The following KCND2 variants were observed in gnomAD, a reference collection of about 807,000 sequenced individuals.
The protein encoded by KCND2 is potassium voltage-gated channel subfamily D member 2, also known as A-type voltage-gated potassium channel KCND2.
Under a neutral mutation model 54.4 loss-of-function variants are expected in KCND2, and 16 were observed. The ratio of observed to expected loss-of-function variants is 0.29; its 90% confidence interval spans 0.20 to 0.45. The LOEUF is 0.45. Ranked by LOEUF, KCND2 falls within the 20% of genes least tolerant of loss-of-function variation. The pLI is 1.00. For missense variants in KCND2, 486 were observed against 824.2 expected (o/e 0.59, Z 5.02); for synonymous variants, 317 against 310.7 (o/e 1.02, Z -0.21).
At chr7:120,383,184 A>G (rs1412115192) in intron 1 of KCND2, among the ~76,000 whole-genome samples, 1 of 152,010 alleles carries the variant, frequency 6.6e-6, no homozygotes. Context: ...CTTTGGATGC[A>G]GAATGCATTA....
At chr7:120,599,085 A>G (rs764579298) in intron 1 of KCND2, among the ~76,000 whole-genome samples, 1 of 152,146 alleles carries the variant, frequency 6.6e-6, no homozygotes, top group Non-Finnish European at 1.5e-5. Flanking sequence ...AAAGATTATC[A>G]TTTTTTATTA....
intron 1 of KCND2, among the ~76,000 whole-genome samples, chr7:120,331,259 C>A (rs978625223): frequency 6.6e-6 from 1 of 151,956 alleles, no homozygotes; most frequent in Non-Finnish European, 1.5e-5. Context: ...AAAAGAAAAT[C>A]ATTTTGAAGC....
At chr7:120,591,637 A>G (rs1346576055) in intron 1 of KCND2, among the ~76,000 whole-genome samples, 2 of 152,204 alleles carry the variant, frequency 1.3e-5, no homozygotes, top group Admixed American at 1.3e-4. Flanking sequence ...CTTTTAACCT[A>G]TGGTTAAAGA....
At chr7:120,464,136 T>G (rs1229531448) in intron 1 of KCND2, 1 of 905,376 alleles carries the variant, frequency 1.1e-6, no homozygotes, top group Non-Finnish European at 1.3e-6. Context: ...TAGACTATAC[T>G]GCTATATCAA....
chr7:120,530,514 A>G (rs141385529), intron 1 of KCND2, among the ~76,000 whole-genome samples: 1 of 152,198 alleles, frequency 6.6e-6, no homozygotes, highest in East Asian at 1.9e-4. Context: ...CATCTATTAA[A>G]AACTTAACCA....
intron 1 of KCND2, among the ~76,000 whole-genome samples, chr7:120,395,758 A>G (rs1801145772): frequency 6.6e-6 from 1 of 152,052 alleles, no homozygotes; most frequent in African/African-American, 2.4e-5. Context: ...TGGCATTAGT[A>G]AACTGTCATG....
At chr7:120,432,603 CTG>C (rs1584776665) in intron 1 of KCND2, among the ~76,000 whole-genome samples, 1 of 152,270 alleles carries the variant, frequency 6.6e-6, no homozygotes, top group Admixed American at 6.5e-5. Context: ...GGCACTACTG[CTG>C]ATAATTATGG....
chr7:120,464,450 G>A (rs905758402), intron 1 of KCND2, among the ~76,000 whole-genome samples: 3 of 152,120 alleles, frequency 2.0e-5, no homozygotes, highest in Non-Finnish European at 4.4e-5. Context: ...ATTTGCTGAG[G>A]TGAAGGAGAT....
chr7:120,568,604 G>T (rs916794868), intron 1 of KCND2, among the ~76,000 whole-genome samples: 4 of 152,072 alleles, frequency 2.6e-5, no homozygotes, highest in Non-Finnish European at 5.9e-5. Context: ...TAATAATCAG[G>T]ATTAGAACAC....
intron 1 of KCND2, among the ~76,000 whole-genome samples, chr7:120,470,457 T>C (rs1802437799): frequency 6.6e-6 from 1 of 152,258 alleles, no homozygotes. Context: ...GTCTTCTTTA[T>C]GCAGATTAAT....
chr7:120,428,966 T>C (rs1009617019), intron 1 of KCND2, among the ~76,000 whole-genome samples: 1 of 152,158 alleles, frequency 6.6e-6, no homozygotes, highest in African/African-American at 2.4e-5. Flanking sequence ...AAATAAGGAA[T>C]TGAGATGTTG....
chr7:120,660,495 C>T (rs904335570), intron 1 of KCND2, among the ~76,000 whole-genome samples: 1 of 152,124 alleles, frequency 6.6e-6, no homozygotes, highest in South Asian at 2.1e-4. Context: ...ATAGAAATAA[C>T]TTTTATGTTA....
intron 1 of KCND2, among the ~76,000 whole-genome samples, chr7:120,704,379 A>T (rs1792440096): frequency 6.6e-6 from 1 of 152,094 alleles, no homozygotes; most frequent in Non-Finnish European, 1.5e-5. Flanking sequence ...AATCTTCTAC[A>T]TCCCTGGACT....
At chr7:120,642,173 A>C (rs1793384428) in intron 1 of KCND2, among the ~76,000 whole-genome samples, 1 of 152,140 alleles carries the variant, frequency 6.6e-6, no homozygotes, top group Admixed American at 6.5e-5. Context: ...TCCCAGAATC[A>C]AATATATTGA....
chr7:120,725,381 T>C (rs1792720760), intron 1 of KCND2, among the ~76,000 whole-genome samples: 1 of 152,224 alleles, frequency 6.6e-6, no homozygotes, highest in Non-Finnish European at 1.5e-5. Context: ...CACAAAATGC[T>C]GTCGGAATTA....
Position 120,741,535 on chromosome 7 carries a change from A to C in KCND2, c.1280A>C (p.Lys427Thr). The change falls in exon 3 of 6, where the codon AAA becomes ACA. Residue 427 changes from lysine to threonine, a missense_variant and splice_region_variant. By Grantham distance (78) the Lys-to-Thr change is moderately conservative. Around this residue, in one of 7 missense-constraint regions of KCND2, gnomAD observed 202 missense variants for 252.7 expected, o/e 0.80. Transcript: ENST00000331113. ...GGATGTTTATTTTTTCTCCTATAGA[A>C]AGCTAGACTGGCCAGGATCCGGGCA... ...QRADKRRAQK[K>T]ARLARIRAAK... 6.2e-7 allele frequency: 1 copy of C among 1,609,642 alleles called. No homozygotes were observed. Among genetic ancestry groups the C allele is most frequent in the East Asian group, 2.2e-5 (1 of 44,794 alleles).
chr7:120,278,313 T>C (rs1396156606), intron 1 of KCND2, among the ~76,000 whole-genome samples: 1 of 151,954 alleles, frequency 6.6e-6, no homozygotes, highest in Non-Finnish European at 1.5e-5. Context: ...TGTAGTTCTA[T>C]ACTTAGAGGA....
chr7:120,738,190 C>A (rs77632838), intron 2 of KCND2, among the ~76,000 whole-genome samples: 2,109 of 152,132 alleles, frequency 0.014, 23 homozygotes, highest in African/African-American at 0.033. Context: ...GATTATATAT[C>A]CCTGTTCTTC....
At chr7:120,534,897 T>C (rs1434068503) in intron 1 of KCND2, among the ~76,000 whole-genome samples, 1 of 152,178 alleles carries the variant, frequency 6.6e-6, no homozygotes, top group African/African-American at 2.4e-5. Flanking sequence ...AATTTTGACA[T>C]TTTGTAAGTA....
Sources: gnomAD v4.1 joint callset for allele counts (sites outside exome capture counted in the v4.1 genomes callset) on GRCh38, gnomAD v4.1.1 for gene constraint, gnomAD v4.1.1 regional missense constraint, MANE v1.5 for transcripts, NCBI Gene and HGNC (gene_info 2026-07-23, HGNC 2026-07-21) for gene names.